The following ITGA7 variants were observed in gnomAD, a reference collection of about 807,000 sequenced individuals.
ITGA7 encodes the protein integrin subunit alpha 7.
In ITGA7, 84 loss-of-function variants were observed where a neutral mutation model predicts 131.6. The observed-to-expected ratio is 0.64, with a 90% CI of 0.54 to 0.77. ITGA7 has a LOEUF of 0.77. Ranked by LOEUF, ITGA7 falls within the 30% of genes least tolerant of loss-of-function variation. The pLI, the probability that ITGA7 is intolerant of heterozygous loss-of-function variation, is 0.00. For synonymous variants in ITGA7, 548 were observed against 600.7 expected (o/e 0.91, Z 1.28); for missense variants, 1,399 against 1,482.9 (o/e 0.94, Z 0.93).
At position 55,685,304 on chromosome 12, in the gene ITGA7, G is replaced by C. The variant is rs755212443; in HGVS notation, c.3184-16C>G. The C allele has an allele frequency of 3.7e-6, 6 of 1,611,616 alleles. No homozygotes were observed. The highest frequency in any genetic ancestry group is 3.3e-5 in the South Asian group (3 of 91,040). On this transcript the variant is annotated splice_polypyrimidine_tract_variant and intron_variant, in intron 24 of 24. Coordinates refer to ENST00000257879, the MANE Select transcript of ITGA7 (RefSeq NM_002206.3). The stretch of plus-strand genomic sequence containing the variant: ...AGAATCCCATCTATAAGGACACCAG[G>C]CCAGACCATGAGGAGCCTGAAGAGC...
chr12:55,694,620 C>T lies in ITGA7; in HGVS notation c.2272G>A (p.Ala758Thr). The change falls in exon 16 of 25, where the codon GCC becomes ACC. Residue 758 changes from alanine (A) to threonine (T), a missense_variant. Transcript: ENST00000257879. This position sits in a 1 kb window ranked among gnomAD's most constrained non-coding sequence, Gnocchi z 5.3. Reference protein sequence around the residue: ...CELGNPMKRGAQVTFYLILST... With the variant: ...CELGNPMKRGTQVTFYLILST... Reference sequence around the variant, plus strand: ...ATAAGGGCAGATGTGCCAACCTGGGCACCTCTCTTCATGGGGTTCCCCAGC... The same window carrying T: ...ATAAGGGCAGATGTGCCAACCTGGGTACCTCTCTTCATGGGGTTCCCCAGC... 1 of 1,614,090 alleles carries T rather than the reference C, an allele frequency of 6.2e-7. No individual in the cohort carries two copies. Among genetic ancestry groups the T allele is most frequent in the Non-Finnish European group, 8.5e-7 (1 of 1,179,970 alleles).
At chr12:55,712,028 C>T (rs995557388), upstream of ITGA7, 1 of 1,510,872 alleles carries the variant, frequency 6.6e-7, no homozygotes, top group East Asian at 2.5e-5. Flanking sequence ...TCCGTCCCAA[C>T]ATGCACACCA....
Position 55,688,263 on chromosome 12 carries a change from C to T in ITGA7, c.2996G>A (p.Arg999Gln), listed in dbSNP as rs372579814. ...GGAGGACTTCACTGTGATGTTGGCC[C>T]GGACAATCACTTCCAGGGACTTCAC... ...SAVKSLEVIV[R>Q]ANITVKSSIK... is the part of the protein sequence containing the mutation. The change falls in exon 23 of 25, where the codon CGG becomes CAG. Residue 999 changes from arginine (R) to glutamine (Q), a missense_variant. Arg to Gln is a conservative substitution (Grantham distance 43). Transcript: ENST00000257879. The T allele has an allele frequency of 3.9e-5, 63 of 1,613,898 alleles. No individual in the cohort carries two copies. Among genetic ancestry groups the T allele is most frequent in the Non-Finnish European group, 4.8e-5 (57 of 1,179,972 alleles).
rs367965328 is a variant in ITGA7, at chr12:55,688,973, G to T, written c.2845-16C>A. The T allele has an allele frequency of 4.4e-5, 70 of 1,604,932 alleles. No individual in the cohort carries two copies. The African/African-American group carries it at 8.4e-4, about 19-fold the overall frequency. On this transcript the variant is annotated splice_polypyrimidine_tract_variant and intron_variant, in intron 21 of 24. Coordinates refer to ENST00000257879, the MANE Select transcript of ITGA7 (RefSeq NM_002206.3). ...GGGCGCAGTCCTAGGGATAAGGACA[G>T]ACAGGGGTCTAAGCCACTCAGCTCA...
At chr12:55,690,174 G>C (rs890863756) in intron 21 of ITGA7, among the ~76,000 whole-genome samples, 2 of 152,324 alleles carry the variant, frequency 1.3e-5, no homozygotes, top group African/African-American at 4.8e-5. Flanking sequence ...TATCATCGGA[G>C]TGAACAGGCA....
upstream of ITGA7, chr12:55,716,251 C>T: frequency 1.3e-6 from 2 of 1,558,928 alleles, no homozygotes. Context: ...TAGCTTCAGC[C>T]CGGAGCCTGG....
At position 55,684,721 on chromosome 12, in the gene ITGA7, T is replaced by C. The variant is rs1869704740; in HGVS notation, c.*337A>G. ...CCCCGACCCTCTAGGTTAAGGCACT[T>C]CCGGGGAGGCAGGTCCTTGGGGTCC... On this transcript the variant is annotated 3_prime_UTR_variant, in exon 25 of 25. Coordinates refer to ENST00000257879, the MANE Select transcript of ITGA7 (RefSeq NM_002206.3). 2 of 309,114 alleles carry C rather than the reference T, an allele frequency of 6.5e-6. No homozygotes were observed. The highest frequency in any genetic ancestry group is 1.2e-5 in the Non-Finnish European group (2 of 167,258). 19.1% of individuals were successfully genotyped at this position (309,114 alleles called of 1,614,324 possible). A position where few individuals can be genotyped will look rare whatever the true frequency, so the allele number is the denominator to read the frequency against.
upstream of ITGA7, chr12:55,712,405 C>T: frequency 2.9e-6 from 2 of 684,534 alleles, no homozygotes; most frequent in East Asian, 2.7e-5. Flanking sequence ...TCTACTCACT[C>T]TGTGTCCTCC....
chr12:55,700,625 G>A, intron 4 of ITGA7: 1 of 637,216 alleles, frequency 1.6e-6, no homozygotes, highest in Non-Finnish European at 2.7e-6. Flanking sequence ...ATGAGGTGTG[G>A]GCTAGTGTGT....
chr12:55,698,054 C>T (rs200636405), intron 7 of ITGA7, 28 bp from the exon 8 acceptor site: 824 of 1,606,062 alleles, frequency 5.1e-4, no homozygotes, highest in Middle Eastern at 2.8e-3. Flanking sequence ...AAGGCAGTCA[C>T]GCTGGCTGGG....
At chr12:55,688,343 G>A in intron 22 of ITGA7, 43 bp from the exon 23 acceptor site, 1 of 1,328,328 alleles carries the variant, frequency 7.5e-7, no homozygotes, top group Non-Finnish European at 1.1e-6. Context: ...AATGCCCCAT[G>A]TCTCCCTCCC....
upstream of ITGA7, chr12:55,716,014 G>T: frequency 1.3e-6 from 2 of 1,519,878 alleles, no homozygotes; most frequent in Non-Finnish European, 1.8e-6. Flanking sequence ...TCTCAAGAGG[G>T]CGGTTCCCAA....
chr12:55,700,105 GAA>G, intron 4 of ITGA7, 116 bp from the exon 5 acceptor site: 31 of 1,450,540 alleles, frequency 2.1e-5, no homozygotes, highest in Non-Finnish European at 3.0e-5. Flanking sequence ...GGTGGAGAGA[GAA>G]AAAGAGACCA....
Position 55,694,267 on chromosome 12 carries a change from C to T in ITGA7, c.2421G>A (p.Leu807=). Residue 807 remains leucine, a synonymous_variant, in exon 18 of 25, where the codon CTG becomes CTA. Transcript: ENST00000257879. This position sits in a 1 kb window ranked among gnomAD's most constrained non-coding sequence, Gnocchi z 5.3. The part of the protein sequence containing the change: ...ARARVFIELP[L]SIAGMAIPQQ... ...TGGGCCAGGCTCACCCTGCAATGGA[C>T]AGTGGCAGCTCAATGAAGACACGGG... is the stretch of plus-strand genomic sequence containing the variant. 2 of 1,614,090 alleles carry T rather than the reference C, an allele frequency of 1.2e-6. No individual in the cohort carries two copies. The highest frequency in any genetic ancestry group is 1.7e-6 in the Non-Finnish European group (2 of 1,180,024).
At chr12:55,697,915 C>G in intron 8 of ITGA7, 23 bp downstream of exon 8, 3 of 1,614,130 alleles carry the variant, frequency 1.9e-6, no homozygotes, top group Non-Finnish European at 2.5e-6. Flanking sequence ...CACCCATTCC[C>G]TCATCCCAGC....
At chr12:55,695,459 G>A in intron 14 of ITGA7, 63 bp downstream of exon 14, 3 of 1,126,330 alleles carry the variant, frequency 2.7e-6, no homozygotes, top group East Asian at 2.4e-5. Flanking sequence ...CTCCTGAGAG[G>A]GCTTTCTCTC....
In ITGA7 at chr12:55,694,715, A is replaced by C; in HGVS notation, c.2197-20T>G. 6.2e-7 allele frequency: 1 copy of C among 1,614,020 alleles called. No homozygotes were observed. Among genetic ancestry groups the C allele is most frequent in the Non-Finnish European group, 8.5e-7 (1 of 1,179,914 alleles). ...CTTCTCCTGGAATGGGAGAGAAGGCAAGGTCAGTCTGGGTTACTGGAGCCC... is the reference window on the plus strand; with the variant it reads ...CTTCTCCTGGAATGGGAGAGAAGGCCAGGTCAGTCTGGGTTACTGGAGCCC... On this transcript the variant is annotated intron_variant, in intron 15 of 24. Transcript: ENST00000257879. The surrounding 1 kb of genome is among the most constrained non-coding windows in gnomAD (Gnocchi z 5.3).
At chr12:55,685,450 C>A (rs2135933580) in intron 24 of ITGA7, among the ~76,000 whole-genome samples, 162 bp from the exon 25 acceptor site, 1 of 152,302 alleles carries the variant, frequency 6.6e-6, no homozygotes, top group Middle Eastern at 3.4e-3. Context: ...ACGGTGCTCC[C>A]ATCAGTGCTG....
intron 21 of ITGA7, among the ~76,000 whole-genome samples, chr12:55,692,487 T>A (rs1871649936): frequency 6.6e-6 from 1 of 152,244 alleles, no homozygotes; most frequent in East Asian, 1.9e-4. Context: ...CAAATTGACT[T>A]TTTTATCTTA....
Sources: allele counts gnomAD v4.1 joint callset (sites outside exome capture counted in the v4.1 genomes callset), GRCh38; gene constraint gnomAD v4.1.1; non-coding constraint Gnocchi (gnomAD v3.1); transcripts MANE v1.5; gene names NCBI Gene and HGNC (gene_info 2026-07-23, HGNC 2026-07-21).